Variants in TFDP1 observed in about 807,000 individuals in gnomAD.
TFDP1 encodes transcription factor Dp-1, also known as DRTF1-polypeptide 1.
A neutral mutation model predicts 48.0 loss-of-function variants in TFDP1; 6 were observed. The ratio of observed to expected loss-of-function variants is 0.13; its 90% CI spans 0.07 to 0.25. The LOEUF is 0.25. Among genes scored for constraint, TFDP1 ranks in the 10% least tolerant of loss-of-function variants. The pLI is 1.00. For missense variants in TFDP1, 335 were observed against 543.0 expected (o/e 0.62, Z 3.81); for synonymous variants, 201 against 211.6 (o/e 0.95, Z 0.44).
At chr13:113,625,633 G>T (rs1455029013) in intron 4 of TFDP1, among the ~76,000 whole-genome samples, 3 of 96,192 alleles carry the variant, frequency 3.1e-5, no homozygotes, top group African/African-American at 1.1e-4. Context: ...GTCCTCAGGC[G>T]TCTCTCACGT....
intron 7 of TFDP1, 166 bp from the exon 8 acceptor site, chr13:113,634,366 ACT>A: frequency 1.5e-6 from 1 of 658,624 alleles, no homozygotes; most frequent in Non-Finnish European, 2.7e-6. Flanking sequence ...TGGAAAAAAA[ACT>A]CACCTATATC....
intron 2 of TFDP1, among the ~76,000 whole-genome samples, chr13:113,595,956 C>T (rs1053979229): frequency 9.9e-5 from 15 of 152,214 alleles, no homozygotes; most frequent in Non-Finnish European, 2.2e-4. Context: ...GTGGCGGGCA[C>T]CTGTAGTCCC....
intron 2 of TFDP1, among the ~76,000 whole-genome samples, chr13:113,589,951 G>T (rs1438882919): frequency 6.6e-6 from 1 of 152,230 alleles, no homozygotes; most frequent in Admixed American, 6.5e-5. Context: ...CCAGTGTCAT[G>T]AAAGTTTGTA....
At chr13:113,588,794 T>C (rs1363446109) in intron 2 of TFDP1, among the ~76,000 whole-genome samples, 1 of 144,174 alleles carries the variant, frequency 6.9e-6, no homozygotes, top group Admixed American at 6.9e-5. Context: ...GTGAGTGTGG[T>C]AGACTCGGGG....
At chr13:113,588,701 G>A (rs982323803) in intron 2 of TFDP1, among the ~76,000 whole-genome samples, 3 of 150,392 alleles carry the variant, frequency 2.0e-5, no homozygotes, top group South Asian at 2.1e-4. Flanking sequence ...TAGTTAGAGA[G>A]TGAGTGGTGG....
At position 113,623,338 on chromosome 13, in the gene TFDP1, C is replaced by T. The variant is rs757611344; in HGVS notation, c.186+52C>T. 1.6e-5 allele frequency: 24 copies of T among 1,515,458 alleles called. No homozygotes were observed. Among genetic ancestry groups the T allele is most frequent in the Admixed American group, 1.2e-4 (6 of 52,048 alleles). The allele number at this position is 1,515,458 out of a possible 1,614,324, so 93.9% of individuals were successfully genotyped here. On this transcript the variant is annotated intron_variant, in intron 4 of 11. Transcript: ENST00000375370. The surrounding 1 kb of genome is among the most constrained non-coding windows in gnomAD (Gnocchi z 5.2). ...CGGGATCTCGGTGTGAGGTCGGGATCGGATGAGCCGTGTGGTTGGGGATGT... is the reference window on the plus strand; with the variant it reads ...CGGGATCTCGGTGTGAGGTCGGGATTGGATGAGCCGTGTGGTTGGGGATGT...
At chr13:113,594,620 T>C (rs2048242507) in intron 2 of TFDP1, among the ~76,000 whole-genome samples, 1 of 152,234 alleles carries the variant, frequency 6.6e-6, no homozygotes, top group Non-Finnish European at 1.5e-5. Context: ...AGGTGTCCCG[T>C]GTGCTGGTCC....
chr13:113,630,894 G>C (rs1446205761), intron 4 of TFDP1, among the ~76,000 whole-genome samples: 1 of 152,204 alleles, frequency 6.6e-6, no homozygotes, highest in Non-Finnish European at 1.5e-5. Flanking sequence ...CCACACTGGC[G>C]TTGCCTCTGG....
At chr13:113,611,580 GCCACCTCTT>G (rs1217616329) in intron 3 of TFDP1, among the ~76,000 whole-genome samples, 2 of 152,130 alleles carry the variant, frequency 1.3e-5, no homozygotes, top group Non-Finnish European at 2.9e-5. Context: ...AGAGGTTGAA[GCCACCTCTT>G]CCAGGGTCCC....
chr13:113,636,655 A>G lies in TFDP1; in HGVS notation c.961A>G (p.Met321Val). Residue 321 changes from methionine to valine, a missense_variant, in exon 10 of 12, where the codon ATG becomes GTG. Physicochemically the swap from Met to Val is conservative, Grantham distance 21 (BLOSUM62 1). Coordinates refer to ENST00000375370, the MANE Select transcript of TFDP1 (RefSeq NM_007111.5). ...SGSCSAEDLK[M>V]ARSLVPKALE... ...GAGCTGCTCTGCCGAAGACCTTAAA[A>G]TGGCCAGAAGTCTGGTCCCCAAGGC... The G allele has an allele frequency of 1.9e-6, 3 of 1,614,222 alleles. No homozygotes were observed. The highest frequency in any genetic ancestry group is 1.1e-5 in the South Asian group (1 of 91,086).
At chr13:113,618,045 T>C (rs1243602419) in intron 3 of TFDP1, among the ~76,000 whole-genome samples, 4 of 152,276 alleles carry the variant, frequency 2.6e-5, no homozygotes, top group African/African-American at 9.6e-5. Context: ...TGAAAAACGC[T>C]GTGTAGTGCC....
At chr13:113,621,629 C>T (rs546417686) in intron 3 of TFDP1, among the ~76,000 whole-genome samples, 2 of 152,300 alleles carry the variant, frequency 1.3e-5, no homozygotes, top group South Asian at 2.1e-4. Context: ...GACCAGAAGA[C>T]GAGTGCGAGC....
chr13:113,619,292 G>T (rs1373725024), intron 3 of TFDP1, among the ~76,000 whole-genome samples: 2 of 152,114 alleles, frequency 1.3e-5, no homozygotes, highest in Admixed American at 6.5e-5. Context: ...GGCCAACATG[G>T]TGAAACCCTT....
At chr13:113,613,846 T>C (rs558732034) in intron 3 of TFDP1, among the ~76,000 whole-genome samples, 2 of 151,852 alleles carry the variant, frequency 1.3e-5, no homozygotes, top group East Asian at 3.9e-4. Context: ...GTGTTGAGTG[T>C]GCATGTGTGT....
intron 2 of TFDP1, among the ~76,000 whole-genome samples, chr13:113,600,968 G>A (rs73577419): frequency 0.012 from 1,816 of 152,308 alleles, 36 homozygotes; most frequent in African/African-American, 0.041. Flanking sequence ...AGGGCTCCAG[G>A]ACCACGAGAG....
chr13:113,614,109 C>T (rs1218178844), intron 3 of TFDP1, among the ~76,000 whole-genome samples: 1 of 148,664 alleles, frequency 6.7e-6, no homozygotes, highest in Admixed American at 6.7e-5. Context: ...TGCATATGCA[C>T]GTGTGAGTTG....
chr13:113,606,366 A>G (rs1295008088), intron 2 of TFDP1, among the ~76,000 whole-genome samples: 1 of 152,172 alleles, frequency 6.6e-6, no homozygotes, highest in Admixed American at 6.5e-5. Flanking sequence ...CTGGGAGTCC[A>G]CCATCAAGGC....
chr13:113,637,827 A>AG lies in TFDP1; in HGVS notation c.1019dup (p.Thr341AsnfsTer15). The stretch of plus-strand genomic sequence containing the variant: ...TTCTTTCCCTTTTCAGAAATGGCTC[A>AG]GGGAACTGTTGGAGGCGTGTTCATC... On this transcript the variant is annotated frameshift_variant, in exon 11 of 12. Coordinates refer to ENST00000375370, the MANE Select transcript of TFDP1 (RefSeq NM_007111.5). LOFTEE classifies it high-confidence loss of function. The AG allele has an allele frequency of 6.2e-7, 1 of 1,614,236 alleles. No homozygotes were observed. Among genetic ancestry groups the AG allele is most frequent in the Non-Finnish European group, 8.5e-7 (1 of 1,180,046 alleles).
chr13:113,614,771 G>A (rs1566657132), intron 3 of TFDP1, among the ~76,000 whole-genome samples: 1 of 152,354 alleles, frequency 6.6e-6, no homozygotes, highest in African/African-American at 2.4e-5. Context: ...GGGAACCTGG[G>A]TGGGGACTCA....
Sources: gnomAD v4.1 joint callset for allele counts (sites outside exome capture counted in the v4.1 genomes callset) on GRCh38, gnomAD v4.1.1 for gene constraint, Gnocchi (gnomAD v3.1) non-coding constraint, MANE v1.5 for transcripts, NCBI Gene and HGNC (gene_info 2026-07-23, HGNC 2026-07-21) for gene names.